SNTG1: variants seen among roughly 807,000 people sequenced by gnomAD.
SNTG1 encodes the protein gamma-1-syntrophin.
A neutral mutation model predicts 74.7 loss-of-function variants in SNTG1; 39 were observed. The observed-to-expected ratio is 0.52, with a 90% CI of 0.40 to 0.68. The LOEUF (loss-of-function observed/expected upper bound fraction) is 0.68. SNTG1 is among the 30% of genes least tolerant of loss of function. The pLI, the probability that SNTG1 is intolerant of heterozygous loss-of-function variation, is 0.00. For missense variants in SNTG1, 685 were observed against 609.5 expected, an observed-to-expected ratio of 1.12 and a Z score of -1.30; for synonymous variants, 254 against 217.1, an observed-to-expected ratio of 1.17 and a Z score of -1.49.
chr8:50,155,898 TAAAAGA>T (rs1164769645), intron 1 of SNTG1, among the ~76,000 whole-genome samples: 1 of 151,248 alleles, frequency 6.6e-6, no homozygotes, highest in Non-Finnish European at 1.5e-5. Flanking sequence ...GTTAGAATTG[TAAAAGA>T]AAATAAACAG....
chr8:49,940,587 T>A (rs1808597662), intron 1 of SNTG1, among the ~76,000 whole-genome samples: 1 of 152,150 alleles, frequency 6.6e-6, no homozygotes, highest in Non-Finnish European at 1.5e-5. Context: ...GGAGAGACAA[T>A]GTGTTCAACA....
intron 1 of SNTG1, among the ~76,000 whole-genome samples, chr8:50,088,987 A>G (rs1021462681): frequency 1.5e-4 from 23 of 151,602 alleles, no homozygotes; most frequent in South Asian, 2.1e-4. Flanking sequence ...GAGGCATCAC[A>G]CTACCTGACT....
At chr8:50,628,573 G>A (rs184772613) in intron 13 of SNTG1, among the ~76,000 whole-genome samples, 62 of 151,282 alleles carry the variant, frequency 4.1e-4, no homozygotes, top group Admixed American at 2.8e-3. Flanking sequence ...CCTGTTGTTC[G>A]TTCTTTGAGT....
At chr8:50,294,714 C>T (rs1448350430) in intron 2 of SNTG1, among the ~76,000 whole-genome samples, 1 of 152,180 alleles carries the variant, frequency 6.6e-6, no homozygotes, top group Non-Finnish European at 1.5e-5. Context: ...AAAACACTTG[C>T]ATAAAAATAT....
At chr8:50,296,032 A>G (rs889128278) in intron 2 of SNTG1, among the ~76,000 whole-genome samples, 1 of 152,152 alleles carries the variant, frequency 6.6e-6, no homozygotes, top group African/African-American at 2.4e-5. Context: ...GTTTAGGAAG[A>G]TTTTTAGATT....
chr8:50,699,129 G>A (rs1234172737), intron 15 of SNTG1, among the ~76,000 whole-genome samples: 1 of 151,998 alleles, frequency 6.6e-6, no homozygotes, highest in Non-Finnish European at 1.5e-5. Flanking sequence ...CAAATCACAA[G>A]GAGATCTGTA....
chr8:50,704,541 G>A lies in SNTG1; in HGVS notation c.1039-59G>A, dbSNP rs564937523. The stretch of plus-strand genomic sequence containing the variant: ...CTGCACCTTGGTCCAGTCAGGAATG[G>A]CCAGGTTAGCAATGTGAAGTGATGT... On this transcript the variant is annotated intron_variant, in intron 15 of 18. Coordinates refer to ENST00000642720, the MANE Select transcript of SNTG1 (RefSeq NM_018967.5). 9.3e-6 allele frequency: 15 copies of A among 1,609,270 alleles called. No individual in the cohort carries two copies. The South Asian group carries it at 1.3e-4, about 14-fold the overall frequency.
intron 1 of SNTG1, among the ~76,000 whole-genome samples, chr8:49,977,945 G>T (rs536232776): frequency 5.3e-5 from 8 of 152,302 alleles, no homozygotes; most frequent in African/African-American, 1.9e-4. Flanking sequence ...TGACCAGGGG[G>T]ATATCCTTGG....
intron 8 of SNTG1, among the ~76,000 whole-genome samples, chr8:50,481,317 G>T (rs1355410570): frequency 2.0e-5 from 3 of 152,254 alleles, no homozygotes; most frequent in African/African-American, 7.2e-5. Context: ...GGAGACGGAG[G>T]TTGCAGTGAG....
chr8:50,790,751 G>C (rs1322076176), intron 18 of SNTG1, among the ~76,000 whole-genome samples: 1 of 123,872 alleles, frequency 8.1e-6, no homozygotes, highest in Non-Finnish European at 1.9e-5. Flanking sequence ...GGTATAAAAA[G>C]TTTAAAGTGT....
At chr8:50,620,546 T>C (rs1159252740) in intron 13 of SNTG1, among the ~76,000 whole-genome samples, 3 of 152,284 alleles carry the variant, frequency 2.0e-5, no homozygotes, top group South Asian at 2.1e-4. Context: ...ACATACAGAA[T>C]TCAGAGCTAG....
chr8:50,365,805 G>C (rs997560267), intron 2 of SNTG1, among the ~76,000 whole-genome samples: 1 of 151,954 alleles, frequency 6.6e-6, no homozygotes, highest in Non-Finnish European at 1.5e-5. Flanking sequence ...AATTGTTCTT[G>C]CTTATTCATT....
intron 4 of SNTG1, among the ~76,000 whole-genome samples, chr8:50,417,419 A>G (rs777857791): frequency 6.6e-6 from 1 of 152,100 alleles, no homozygotes; most frequent in Non-Finnish European, 1.5e-5. Flanking sequence ...TAGACGCAAT[A>G]TTTGCTTTCT....
Position 50,751,988 on chromosome 8 carries a change from T to A in SNTG1, c.1285-13T>A, listed in dbSNP as rs771492458. On this transcript the variant is annotated splice_polypyrimidine_tract_variant and intron_variant, in intron 17 of 18. Transcript: ENST00000642720. ...ATTCCACCGACTTACATTGTTTTTT[T>A]TCCCCCCTTTAGGCTGTCCTTTGGA... 4 of 1,481,210 alleles carry A rather than the reference T, an allele frequency of 2.7e-6. No individual in the cohort carries two copies. Among genetic ancestry groups the A allele is most frequent in the Non-Finnish European group, 3.6e-6 (4 of 1,109,722 alleles). The allele number at this position is 1,481,210 out of a possible 1,614,324, so 91.8% of individuals were successfully genotyped here.
intron 2 of SNTG1, among the ~76,000 whole-genome samples, chr8:50,320,400 CT>C (rs1455579893): frequency 3.3e-5 from 5 of 151,834 alleles, no homozygotes; most frequent in Admixed American, 2.6e-4. Flanking sequence ...ATTTTTTTCT[CT>C]TTTTTTCATA....
intron 1 of SNTG1, among the ~76,000 whole-genome samples, chr8:49,935,351 A>G (rs933274557): frequency 1.3e-5 from 2 of 148,702 alleles, no homozygotes; most frequent in African/African-American, 2.5e-5. Flanking sequence ...GGGGATTCCC[A>G]TACTATTTCA....
intron 12 of SNTG1, among the ~76,000 whole-genome samples, chr8:50,563,387 C>A (rs547197293): frequency 3.7e-4 from 56 of 152,242 alleles, no homozygotes; most frequent in African/African-American, 1.3e-3. Flanking sequence ...ATAAGAGATT[C>A]ACATGTACTA....
intron 8 of SNTG1, among the ~76,000 whole-genome samples, chr8:50,494,056 C>T (rs1405725236): frequency 6.6e-6 from 1 of 151,264 alleles, no homozygotes; most frequent in African/African-American, 2.4e-5. Context: ...AATTGCTGCT[C>T]AATTTGACCA....
intron 16 of SNTG1, among the ~76,000 whole-genome samples, chr8:50,705,112 G>C (rs1244845033): frequency 6.6e-6 from 1 of 152,060 alleles, no homozygotes; most frequent in East Asian, 1.9e-4. Flanking sequence ...CCAGCCTGTT[G>C]GCGTCATTTA....
Sources: gnomAD v4.1 joint callset for allele counts (sites outside exome capture counted in the v4.1 genomes callset) on GRCh38, gnomAD v4.1.1 for gene constraint, MANE v1.5 for transcripts, NCBI Gene and HGNC (gene_info 2026-07-23, HGNC 2026-07-21) for gene names.